The following SGCZ variants were observed in gnomAD, a reference collection of about 807,000 sequenced individuals.
SGCZ encodes the protein sarcoglycan zeta.
In SGCZ, 40 loss-of-function variants were observed where a neutral mutation model predicts 41.3. The ratio of observed to expected loss-of-function variants is 0.97; its 90% CI spans 0.75 to 1.26. The LOEUF (loss-of-function observed/expected upper bound fraction) is 1.26, where lower values mean the gene tolerates loss of function less well. Among genes scored for constraint, SGCZ ranks in the 50% most tolerant of loss-of-function variants. The pLI, the probability that SGCZ is intolerant of heterozygous loss-of-function variation, is 0.00. For synonymous variants in SGCZ, 206 were observed against 137.5 expected (o/e 1.50, Z -3.49); for missense variants, 552 against 369.8 (o/e 1.49, Z -4.04).
intron 1 of SGCZ, among the ~76,000 whole-genome samples, chr8:14,845,604 T>C (rs1803072757): frequency 1.3e-5 from 2 of 152,188 alleles, no homozygotes; most frequent in Admixed American, 6.5e-5. Flanking sequence ...TTTAACTTTA[T>C]ATGTTGTAAA....
At chr8:15,220,975 G>C (rs1585688205) in intron 1 of SGCZ, among the ~76,000 whole-genome samples, 1 of 152,208 alleles carries the variant, frequency 6.6e-6, no homozygotes, top group African/African-American at 2.4e-5. Context: ...AGAATACTTG[G>C]ACACAGGATG....
At chr8:14,325,318 T>G (rs1471936704) in intron 2 of SGCZ, among the ~76,000 whole-genome samples, 1 of 151,936 alleles carries the variant, frequency 6.6e-6, no homozygotes, top group Non-Finnish European at 1.5e-5. Flanking sequence ...GGAAGAACTT[T>G]CAAGATTCAT....
At chr8:14,852,638 C>A (rs955846267) in intron 1 of SGCZ, among the ~76,000 whole-genome samples, 2 of 152,152 alleles carry the variant, frequency 1.3e-5, no homozygotes, top group African/African-American at 4.8e-5. Flanking sequence ...CGCCAGATGC[C>A]TATAGTCTCC....
intron 1 of SGCZ, among the ~76,000 whole-genome samples, chr8:14,732,856 A>G (rs1043898708): frequency 2.0e-5 from 3 of 152,150 alleles, no homozygotes; most frequent in Non-Finnish European, 4.4e-5. Flanking sequence ...CGTCTTTTAT[A>G]CCAACAGTAT....
chr8:14,324,276 C>A, intron 2 of SGCZ, 72 bp from the exon 3 acceptor site: 1 of 1,079,744 alleles, frequency 9.3e-7, no homozygotes, highest in Admixed American at 1.8e-5. Context: ...TTTTCTTAGG[C>A]CTAAATTGAG....
chr8:14,971,910 G>A (rs760051325), intron 1 of SGCZ, among the ~76,000 whole-genome samples: 2 of 151,834 alleles, frequency 1.3e-5, no homozygotes, highest in Non-Finnish European at 2.9e-5. Flanking sequence ...GGCCTCCCAT[G>A]ATTTTATATA....
intron 2 of SGCZ, among the ~76,000 whole-genome samples, chr8:14,344,401 A>G (rs1208643519): frequency 6.6e-6 from 1 of 152,110 alleles, no homozygotes; most frequent in Non-Finnish European, 1.5e-5. Context: ...AAAGAAAGAC[A>G]ATCTTCAAAT....
rs189458993 is a variant in SGCZ, at chr8:14,763,155, G to C, written c.40-208229C>G. Among the ~76,000 whole-genome samples the C allele has an allele frequency of 7.9e-5, 12 of 152,196 alleles. No individual in the cohort carries two copies. The East Asian group carries it at 2.3e-3, about 29-fold the overall frequency. On this transcript the variant is annotated intron_variant, in intron 1 of 7. Transcript: ENST00000382080. The stretch of plus-strand genomic sequence containing the variant: ...TATGTCTGGTTGCCCTCTATAGTCA[G>C]ATACTGGTTAAAATAGTCTCAGAGA...
At chr8:14,890,036 G>A (rs565747405) in intron 1 of SGCZ, among the ~76,000 whole-genome samples, 2 of 152,166 alleles carry the variant, frequency 1.3e-5, no homozygotes, top group South Asian at 4.1e-4. Flanking sequence ...GGCCAATATG[G>A]TGAAACTCCG....
intron 1 of SGCZ, among the ~76,000 whole-genome samples, chr8:15,000,893 C>T (rs111948167): frequency 0.024 from 3,703 of 152,286 alleles, 171 homozygotes; most frequent in African/African-American, 0.084. Flanking sequence ...AACTTTCCAC[C>T]CCTTAACCCA....
chr8:14,741,273 T>C lies in SGCZ; in HGVS notation c.40-186347A>G, dbSNP rs192082341. Among the ~76,000 whole-genome samples, 321 of 152,142 alleles carry C rather than the reference T, an allele frequency of 2.1e-3. 5 individuals are homozygous for C. The highest frequency in any genetic ancestry group is 3.8e-3 in the Non-Finnish European group (256 of 67,956). On this transcript the variant is annotated intron_variant, in intron 1 of 7. Transcript: ENST00000382080. ...TGGAGCAATAACCGTATTAACATAA[T>C]TGACATCTACAAAAATTAAGCCCAT...
At chr8:14,267,714 T>C (rs896255889) in intron 3 of SGCZ, among the ~76,000 whole-genome samples, 8 of 152,072 alleles carry the variant, frequency 5.3e-5, no homozygotes, top group African/African-American at 1.9e-4. Context: ...CTTTGGGATC[T>C]TGGTCCACTC....
intron 5 of SGCZ, among the ~76,000 whole-genome samples, chr8:14,120,342 G>A (rs1802660168): frequency 6.6e-6 from 1 of 152,064 alleles, no homozygotes; most frequent in Non-Finnish European, 1.5e-5. Flanking sequence ...CACTGTTTAG[G>A]AAATGAGAAC....
intron 1 of SGCZ, among the ~76,000 whole-genome samples, chr8:14,790,611 A>T (rs1372082440): frequency 1.3e-5 from 2 of 152,226 alleles, no homozygotes; most frequent in African/African-American, 4.8e-5. Context: ...GTAAGAAACA[A>T]ACATAATATC....
intron 2 of SGCZ, among the ~76,000 whole-genome samples, chr8:14,466,274 G>C (rs1029668072): frequency 1.3e-5 from 2 of 151,866 alleles, no homozygotes; most frequent in Non-Finnish European, 2.9e-5. Flanking sequence ...TTGTTTGTTT[G>C]CTACTTTAAA....
At chr8:15,070,573 G>T (rs1805312789) in intron 1 of SGCZ, among the ~76,000 whole-genome samples, 1 of 152,118 alleles carries the variant, frequency 6.6e-6, no homozygotes, top group Non-Finnish European at 1.5e-5. Context: ...GAATTGCATA[G>T]GGCCCATGGG....
chr8:14,963,555 C>A (rs965821189), intron 1 of SGCZ, among the ~76,000 whole-genome samples: 4 of 151,968 alleles, frequency 2.6e-5, no homozygotes, highest in Non-Finnish European at 5.9e-5. Context: ...AACATGTTGC[C>A]CAGGCTGGTT....
chr8:14,340,177 C>A (rs1409915318), intron 2 of SGCZ, among the ~76,000 whole-genome samples: 1 of 151,996 alleles, frequency 6.6e-6, no homozygotes, highest in Non-Finnish European at 1.5e-5. Context: ...GATATAATAT[C>A]ATTTTTCTAA....
chr8:14,968,209 T>C (rs375678765), intron 1 of SGCZ, among the ~76,000 whole-genome samples: 51 of 152,268 alleles, frequency 3.3e-4, no homozygotes, highest in African/African-American at 1.2e-3. Context: ...TTCAAGCAAT[T>C]TGTGGTATCT....
Sources: allele counts gnomAD v4.1 joint callset (sites outside exome capture counted in the v4.1 genomes callset), GRCh38; gene constraint gnomAD v4.1.1; transcripts MANE v1.5; gene names NCBI Gene and HGNC (gene_info 2026-07-23, HGNC 2026-07-21).